Variants in MAGI1 observed in about 807,000 individuals in gnomAD.
MAGI1 encodes membrane associated guanylate kinase, WW and PDZ domain containing 1, also known as membrane-associated guanylate kinase, WW and PDZ domain-containing protein 1.
Under a neutral mutation model 139.9 loss-of-function variants are expected in MAGI1, and 58 were observed. The observed-to-expected ratio is 0.41, with a 90% CI of 0.34 to 0.52. MAGI1 has a LOEUF of 0.52. MAGI1 is among the 20% of genes least tolerant of loss of function. MAGI1 has a pLI of 0.12. For missense variants in MAGI1, 1,874 were observed against 1,901.6 expected (o/e 0.99, Z 0.27); for synonymous variants, 812 against 737.9 (o/e 1.10, Z -1.63).
At chr3:65,431,924 T>A (rs1575722337) in intron 10 of MAGI1, among the ~76,000 whole-genome samples, 1 of 151,670 alleles carries the variant, frequency 6.6e-6, no homozygotes, top group South Asian at 2.1e-4. Context: ...ATCCAGGAGG[T>A]AGAGGTTGCA....
chr3:65,529,168 AAAAG>A (rs976797124), intron 2 of MAGI1, among the ~76,000 whole-genome samples: 1 of 152,034 alleles, frequency 6.6e-6, no homozygotes, highest in Non-Finnish European at 1.5e-5. Context: ...CTCCCAGGTT[AAAAG>A]AAAGAGATTT....
At chr3:65,691,539 T>C (rs539988182) in intron 1 of MAGI1, among the ~76,000 whole-genome samples, 1 of 152,198 alleles carries the variant, frequency 6.6e-6, no homozygotes, top group Non-Finnish European at 1.5e-5. Context: ...ATTATTTTTA[T>C]TTATTTTTAG....
rs572640519 is a variant in MAGI1, at chr3:65,882,454, A to G, written c.313+155542T>C. 3.9e-5 allele frequency among the ~76,000 whole-genome samples: 6 copies of G among 152,290 alleles called. No individual in the cohort carries two copies. In the South Asian group the frequency reaches 1.2e-3, roughly 32 times the overall value. ...TTCCATACTCAAATTCAGGAAGAGT[A>G]TGTCTGATTGACAGAGCTTAAGTTA... On this transcript the variant is annotated intron_variant, in intron 1 of 22. Transcript: ENST00000402939.
intron 2 of MAGI1, among the ~76,000 whole-genome samples, chr3:65,544,363 C>T (rs553371885): frequency 3.7e-4 from 56 of 152,182 alleles, no homozygotes; most frequent in African/African-American, 1.3e-3. Flanking sequence ...GGATAATGCA[C>T]ACTGTGGGGA....
At chr3:65,763,473 A>G (rs2037204538) in intron 1 of MAGI1, among the ~76,000 whole-genome samples, 1 of 152,202 alleles carries the variant, frequency 6.6e-6, no homozygotes, top group South Asian at 2.1e-4. Context: ...AAGTTTGCCT[A>G]TCCTACAATA....
chr3:65,838,210 G>T (rs543617267), intron 1 of MAGI1, among the ~76,000 whole-genome samples: 56 of 152,278 alleles, frequency 3.7e-4, no homozygotes, highest in African/African-American at 1.3e-3. Flanking sequence ...TACTAGGAAG[G>T]CTGAGGCAGG....
chr3:65,436,165 CA>C (rs1947833810), intron 10 of MAGI1, among the ~76,000 whole-genome samples: 1 of 151,958 alleles, frequency 6.6e-6, no homozygotes, highest in Non-Finnish European at 1.5e-5. Flanking sequence ...AGCAGAGAAA[CA>C]ATTTCTTTCT....
chr3:65,925,190 C>G (rs936994985), intron 1 of MAGI1: 1 of 152,230 alleles, frequency 6.6e-6, no homozygotes, highest in African/African-American at 2.4e-5. Flanking sequence ...GAAGAAAAAA[C>G]CAGATGCCTG....
At chr3:66,012,052 A>G (rs1450445634) in intron 1 of MAGI1, among the ~76,000 whole-genome samples, 2 of 152,038 alleles carry the variant, frequency 1.3e-5, no homozygotes, top group African/African-American at 2.4e-5. Flanking sequence ...AACCTTGTCT[A>G]TATCGATTTG....
intron 1 of MAGI1, among the ~76,000 whole-genome samples, chr3:66,028,167 G>C (rs2068396872): frequency 6.6e-6 from 1 of 151,976 alleles, no homozygotes; most frequent in Non-Finnish European, 1.5e-5. Context: ...CAGGTGTGGT[G>C]GGTGCATGCC....
intron 3 of MAGI1, among the ~76,000 whole-genome samples, chr3:65,481,271 G>A (rs1329862747): frequency 6.6e-6 from 1 of 152,172 alleles, no homozygotes; most frequent in Non-Finnish European, 1.5e-5. Context: ...TAACACTTGA[G>A]CAAAGAAGAA....
intron 1 of MAGI1, among the ~76,000 whole-genome samples, chr3:65,954,047 T>A (rs557213184): frequency 5.9e-5 from 9 of 152,194 alleles, no homozygotes; most frequent in African/African-American, 2.2e-4. Context: ...AATGACTTCA[T>A]TTCCTCCAGA....
At chr3:65,950,044 C>A (rs1345359562) in intron 1 of MAGI1, among the ~76,000 whole-genome samples, 43 of 49,776 alleles carry the variant, frequency 8.6e-4, no homozygotes, top group South Asian at 2.7e-3. Context: ...GCCAGATCAT[C>A]AAAAAAAAAA....
At chr3:65,610,880 A>AT (rs1472923219) in intron 2 of MAGI1, among the ~76,000 whole-genome samples, 1 of 140,204 alleles carries the variant, frequency 7.1e-6, no homozygotes, top group African/African-American at 2.6e-5. Context: ...AGTAGATAGT[A>AT]ATATAGTAGA....
chr3:65,466,826 C>T (rs773021256), intron 5 of MAGI1, among the ~76,000 whole-genome samples: 3 of 152,210 alleles, frequency 2.0e-5, no homozygotes, highest in African/African-American at 7.2e-5. Context: ...CTGACGCCAC[C>T]CAGCAGGGAG....
chr3:65,598,411 T>C (rs1408142538), intron 2 of MAGI1, among the ~76,000 whole-genome samples: 2 of 152,168 alleles, frequency 1.3e-5, no homozygotes, highest in Non-Finnish European at 2.9e-5. Context: ...CTCCCTTTCT[T>C]GGTTAGGGAT....
At chr3:65,781,681 T>C (rs9819091) in intron 1 of MAGI1, among the ~76,000 whole-genome samples, 17,245 of 152,300 alleles carry the variant, frequency 0.11, 1,541 homozygotes, top group African/African-American at 0.25. Context: ...TTTCATCTCA[T>C]GGCTGAGAGG....
Position 65,530,724 on chromosome 3 carries a change from C to T in MAGI1, c.431-37093G>A, listed in dbSNP as rs143865786. Among the ~76,000 whole-genome samples, 91 of 104,532 alleles carry T rather than the reference C, an allele frequency of 8.7e-4. 5 individuals are homozygous for T. The highest frequency in any genetic ancestry group is 3.3e-3 in the African/African-American group (89 of 26,874). The allele number at this position is 104,532 out of a possible 152,430, so 68.6% of individuals were successfully genotyped here. Reference sequence around the variant, plus strand: ...ACACATATACACGTGTATATATATACACACGTATATATATATGCACATATA... The same window carrying T: ...ACACATATACACGTGTATATATATATACACGTATATATATATGCACATATA... On this transcript the variant is annotated intron_variant, in intron 2 of 22. Coordinates refer to ENST00000402939, the MANE Select transcript of MAGI1 (RefSeq NM_001033057.2).
chr3:65,619,834 G>A (rs1264651400), intron 2 of MAGI1: 2 of 983,078 alleles, frequency 2.0e-6, no homozygotes, highest in African/African-American at 1.7e-5. Flanking sequence ...TGAAGAAAGT[G>A]TAAAATGAAT....
Sources: allele counts gnomAD v4.1 joint callset (sites outside exome capture counted in the v4.1 genomes callset), GRCh38; gene constraint gnomAD v4.1.1; transcripts MANE v1.5; gene names NCBI Gene and HGNC (gene_info 2026-07-23, HGNC 2026-07-21).